The following PPP1R9A variants were observed in gnomAD, a reference collection of about 807,000 sequenced individuals.
PPP1R9A encodes neurabin-1.
A neutral mutation model predicts 141.9 loss-of-function variants in PPP1R9A; 59 were observed. The observed-to-expected ratio is 0.42, with a 90% CI of 0.34 to 0.52. The LOEUF is 0.52. PPP1R9A is among the 20% of genes least tolerant of loss of function. PPP1R9A has a pLI of 0.10. For synonymous variants in PPP1R9A, 500 were observed against 569.7 expected (o/e 0.88, Z 1.74); for missense variants, 1,444 against 1,611.9 (o/e 0.90, Z 1.78).
rs965469589 is a variant in PPP1R9A, at chr7:95,061,743, G to C, written c.1396-49516G>C. Among the ~76,000 whole-genome samples, 6 of 152,150 alleles carry C rather than the reference G, an allele frequency of 3.9e-5. No homozygotes were observed. The South Asian group carries it at 8.3e-4, about 21-fold the overall frequency. On this transcript the variant is annotated intron_variant, in intron 2 of 19. Transcript: ENST00000433360. ...GAATGAGACCCTGTGTCGAATGAATGAATGAAAATAAAGAGCCATGGCTTT... is the reference window on the plus strand; with the variant it reads ...GAATGAGACCCTGTGTCGAATGAATCAATGAAAATAAAGAGCCATGGCTTT...
chr7:94,961,591 G>A (rs1797648794), intron 2 of PPP1R9A, among the ~76,000 whole-genome samples: 1 of 151,718 alleles, frequency 6.6e-6, no homozygotes, highest in Non-Finnish European at 1.5e-5. Context: ...TCAGAGTTAA[G>A]GTTATTTTTA....
chr7:95,144,797 T>G (rs1001253605), intron 4 of PPP1R9A, among the ~76,000 whole-genome samples: 1 of 152,196 alleles, frequency 6.6e-6, no homozygotes, highest in Admixed American at 6.5e-5. Flanking sequence ...AAACTATTCC[T>G]GTTGTAGATG....
At chr7:94,965,601 G>C (rs1300011673) in intron 2 of PPP1R9A, among the ~76,000 whole-genome samples, 1 of 152,072 alleles carries the variant, frequency 6.6e-6, no homozygotes, top group Admixed American at 6.6e-5. Flanking sequence ...GCTTGTTTTT[G>C]TCAGGTTTGT....
intron 17 of PPP1R9A, 127 bp from the exon 18 acceptor site, chr7:95,286,079 C>A: frequency 7.0e-7 from 1 of 1,435,238 alleles, no homozygotes; most frequent in Non-Finnish European, 9.2e-7. Context: ...CATTGAAGGT[C>A]ATCACCAAAT....
At chr7:95,036,979 C>T (rs1256656082) in intron 2 of PPP1R9A, 1 of 152,164 alleles carries the variant, frequency 6.6e-6, no homozygotes, top group Non-Finnish European at 1.5e-5. Flanking sequence ...CGTTCATACA[C>T]AGGAAAAGTA....
intron 2 of PPP1R9A, among the ~76,000 whole-genome samples, chr7:95,014,093 C>T (rs1315509248): frequency 6.6e-6 from 1 of 152,036 alleles, no homozygotes; most frequent in Non-Finnish European, 1.5e-5. Flanking sequence ...TGGTCTAAAA[C>T]AACCATAATG....
chr7:95,054,640 C>T (rs554577567), intron 2 of PPP1R9A, among the ~76,000 whole-genome samples: 1 of 152,132 alleles, frequency 6.6e-6, no homozygotes, highest in East Asian at 1.9e-4. Flanking sequence ...TCCCTGGTCC[C>T]TGCTTGTCCC....
chr7:95,140,245 T>C (rs1826406659), intron 4 of PPP1R9A, among the ~76,000 whole-genome samples: 1 of 152,150 alleles, frequency 6.6e-6, no homozygotes, highest in African/African-American at 2.4e-5. Context: ...GAAAAAGTGA[T>C]TATGGACCTA....
chr7:94,921,416 C>T (rs923091933), intron 2 of PPP1R9A, among the ~76,000 whole-genome samples: 1 of 148,770 alleles, frequency 6.7e-6, no homozygotes, highest in Non-Finnish European at 1.5e-5. Context: ...CACTGCACTC[C>T]AGCCTGGGCG....
chr7:95,190,037 CTTT>C (rs949058189), intron 5 of PPP1R9A, among the ~76,000 whole-genome samples: 1 of 152,104 alleles, frequency 6.6e-6, no homozygotes, highest in Non-Finnish European at 1.5e-5. Flanking sequence ...CTTCTGAATT[CTTT>C]ATCTGGCAAA....
chr7:95,126,097 C>T (rs1823519034), intron 4 of PPP1R9A, among the ~76,000 whole-genome samples: 1 of 152,150 alleles, frequency 6.6e-6, no homozygotes, highest in South Asian at 2.1e-4. Context: ...TGGGCTATTA[C>T]TGCTTTGATA....
intron 2 of PPP1R9A, among the ~76,000 whole-genome samples, chr7:95,052,970 G>A (rs986702018): frequency 2.0e-5 from 3 of 152,110 alleles, no homozygotes; most frequent in Non-Finnish European, 2.9e-5. Flanking sequence ...TCAAAAGCCT[G>A]GGATTCTCTG....
At chr7:95,263,174 A>C (rs1458852548) in intron 12 of PPP1R9A, among the ~76,000 whole-genome samples, 1 of 152,224 alleles carries the variant, frequency 6.6e-6, no homozygotes, top group East Asian at 1.9e-4. Flanking sequence ...ATCTAATTAA[A>C]TTAAAATAGA....
At chr7:95,125,433 A>C (rs915990427) in intron 4 of PPP1R9A, among the ~76,000 whole-genome samples, 22 of 152,198 alleles carry the variant, frequency 1.4e-4, no homozygotes, top group African/African-American at 5.3e-4. Context: ...AAATAATATT[A>C]AATACATTGA....
At chr7:95,063,606 C>A (rs995278106) in intron 2 of PPP1R9A, among the ~76,000 whole-genome samples, 3 of 152,040 alleles carry the variant, frequency 2.0e-5, no homozygotes, top group African/African-American at 4.8e-5. Context: ...TTACCTTTAT[C>A]TTCTCATTTG....
chr7:95,089,834 T>TG (rs1817098215), intron 2 of PPP1R9A, among the ~76,000 whole-genome samples: 3 of 151,964 alleles, frequency 2.0e-5, no homozygotes, highest in Non-Finnish European at 4.4e-5. Context: ...CTCAGGGAAC[T>TG]AGTTCTTCTG....
At chr7:95,072,860 TATA>T (rs1814162531) in intron 2 of PPP1R9A, among the ~76,000 whole-genome samples, 1 of 112,794 alleles carries the variant, frequency 8.9e-6, no homozygotes, top group Non-Finnish European at 1.7e-5. Context: ...ATATAAGTTA[TATA>T]ATATAATATA....
Position 95,143,575 on chromosome 7 carries a change from G to A in PPP1R9A, c.1650-18292G>A, listed in dbSNP as rs1445694445. ...TTTTGGTTGCAAGGATATTAGAGGT[G>A]ATTTTATTGGTATTTACCCTACCGA... On this transcript the variant is annotated intron_variant, in intron 4 of 19. Coordinates refer to ENST00000433360, the MANE Select transcript of PPP1R9A (RefSeq NM_001166160.2). Among the ~76,000 whole-genome samples, 7 of 152,170 alleles carry A rather than the reference G, an allele frequency of 4.6e-5. No individual in the cohort carries two copies. In the East Asian group the frequency reaches 1.4e-3, roughly 29 times the overall value.
Position 94,911,210 on chromosome 7 carries a change from G to A in PPP1R9A, c.1097G>A (p.Gly366Asp), listed in dbSNP as rs745674813. 1 of 1,614,200 alleles carries A rather than the reference G, an allele frequency of 6.2e-7. No individual in the cohort carries two copies. The highest frequency in any genetic ancestry group is 8.5e-7 in the Non-Finnish European group (1 of 1,180,028). The change falls in exon 2 of 20, where the codon GGT (glycine) becomes GAT (aspartate). Residue 366 changes from glycine (G) to aspartate (D), a missense_variant. Transcript: ENST00000433360. ...AAGCAACAGAGGAAAGAACTTGCAG[G>A]TGGTGATTTCACCTCTCCTGATGCT... is the stretch of plus-strand genomic sequence containing the variant. ...AAKQQRKELAGGDFTSPDASA... is the reference protein window; with the variant it reads ...AAKQQRKELADGDFTSPDASA...
Sources: gnomAD v4.1 joint callset for allele counts (sites outside exome capture counted in the v4.1 genomes callset) on GRCh38, gnomAD v4.1.1 for gene constraint, MANE v1.5 for transcripts, NCBI Gene and HGNC (gene_info 2026-07-23, HGNC 2026-07-21) for gene names.